Variants in GPD2 observed in about 807,000 individuals in gnomAD.
GPD2 encodes the protein glycerol-3-phosphate dehydrogenase, mitochondrial.
GPD2 carries 54 observed loss-of-function variants against 82.4 expected under a neutral mutation model. The observed-to-expected ratio is 0.66, with a 90% confidence interval of 0.53 to 0.82. The LOEUF is 0.82. Ranked by LOEUF, GPD2 falls within the 40% of genes least tolerant of loss-of-function variation. The probability of loss-of-function intolerance (pLI) is 0.00; values close to 1 mark genes in which losing one functional copy is unlikely to be tolerated. For synonymous variants in GPD2, 288 were observed against 306.1 expected, an observed-to-expected ratio of 0.94 and a Z score of 0.62; for missense variants, 748 against 896.2, an observed-to-expected ratio of 0.83 and a Z score of 2.11.
At chr2:156,556,292 T>C (rs1686959650) in intron 8 of GPD2, among the ~76,000 whole-genome samples, 1 of 152,150 alleles carries the variant, frequency 6.6e-6, no homozygotes, top group Non-Finnish European at 1.5e-5. Flanking sequence ...AAAACATATT[T>C]ATAGAAAATA....
At position 156,568,630 on chromosome 2, in the gene GPD2, T is replaced by C. The variant is rs144897987; in HGVS notation, c.1166-195T>C. On this transcript the variant is annotated intron_variant, in intron 9 of 16. Coordinates refer to ENST00000438166, the MANE Select transcript of GPD2 (RefSeq NM_000408.5). Reference sequence around the variant, plus strand: ...TCTTTACTTTTTCATGGAAATTATCTTTGTAACAGAATAATTCTTTATGAG... The same window carrying C: ...TCTTTACTTTTTCATGGAAATTATCCTTGTAACAGAATAATTCTTTATGAG... Among the ~76,000 whole-genome samples, 166 of 152,306 alleles carry C rather than the reference T, an allele frequency of 1.1e-3. 1 individual carries two copies. The highest frequency in any genetic ancestry group is 3.8e-3 in the African/African-American group (159 of 41,580).
intron 6 of GPD2, among the ~76,000 whole-genome samples, chr2:156,533,048 G>T (rs1314828098): frequency 6.6e-6 from 1 of 152,178 alleles, no homozygotes; most frequent in East Asian, 1.9e-4. Context: ...CTTTCAAATT[G>T]TTCCTCACCC....
intron 6 of GPD2, among the ~76,000 whole-genome samples, chr2:156,524,825 CA>C (rs1685545067): frequency 1.3e-5 from 2 of 152,078 alleles, no homozygotes; most frequent in South Asian, 4.1e-4. Flanking sequence ...ATTGTTTTGT[CA>C]AAAATACTTT....
chr2:156,477,771 T>C (rs575220918), intron 2 of GPD2, among the ~76,000 whole-genome samples: 7 of 152,224 alleles, frequency 4.6e-5, no homozygotes, highest in Non-Finnish European at 1.0e-4. Context: ...CCTCATCCAT[T>C]GATCATGCTT....
At chr2:156,499,380 T>C (rs1470629387) in intron 3 of GPD2, among the ~76,000 whole-genome samples, 3 of 151,806 alleles carry the variant, frequency 2.0e-5, no homozygotes, top group African/African-American at 7.3e-5. Flanking sequence ...AAAGAAAAAA[T>C]GAGACAAGAT....
chr2:156,537,996 A>G (rs1055556059), intron 6 of GPD2, among the ~76,000 whole-genome samples: 1 of 152,258 alleles, frequency 6.6e-6, no homozygotes. Context: ...AAATATGGCA[A>G]TAGCATCTAG....
rs759406397 is a variant in GPD2, at chr2:156,571,237, C to T, written c.1712C>T (p.Pro571Leu). 7 of 1,612,642 alleles carry T rather than the reference C, an allele frequency of 4.3e-6. No individual in the cohort carries two copies. Among genetic ancestry groups the T allele is most frequent in the Non-Finnish European group, 5.1e-6 (6 of 1,178,860 alleles). ...GTCCAGGCAGCAGAGGAAGCCCTAC[C>T]CAGGATTGTTGAACTGATGGGCAGG... ...LNVQAAEEAL[P>L]RIVELMGREL... Residue 571 changes from proline to leucine, a missense_variant, in exon 13 of 17, where the codon CCC (proline) becomes CTC (leucine). Physicochemically the swap from Pro to Leu is moderately conservative, Grantham distance 98. Coordinates refer to ENST00000438166, the MANE Select transcript of GPD2 (RefSeq NM_000408.5).
At chr2:156,497,688 C>T (rs2105244961) in intron 3 of GPD2, among the ~76,000 whole-genome samples, 1 of 152,206 alleles carries the variant, frequency 6.6e-6, no homozygotes, top group Admixed American at 6.5e-5. Flanking sequence ...ACTGATTTCA[C>T]AGGATCCACA....
chr2:156,408,913 C>T, the GPD2 span, among the ~76,000 whole-genome samples: 1 of 152,022 alleles, frequency 6.6e-6, no homozygotes, highest in Non-Finnish European at 1.5e-5. Flanking sequence ...TATTTGGAAA[C>T]AAGGTCTTTG....
At chr2:156,511,499 A>C (rs1188707190) in intron 4 of GPD2, among the ~76,000 whole-genome samples, 2 of 152,248 alleles carry the variant, frequency 1.3e-5, no homozygotes, top group Non-Finnish European at 2.9e-5. Flanking sequence ...TGAAAAACAC[A>C]GTGGCACTGG....
At chr2:156,506,280 C>T (rs1225814097) in intron 3 of GPD2, among the ~76,000 whole-genome samples, 1 of 152,092 alleles carries the variant, frequency 6.6e-6, no homozygotes, top group African/African-American at 2.4e-5. Flanking sequence ...TAAGTTTTTG[C>T]TCTGGAAGGA....
At chr2:156,405,014 A>G in the GPD2 span, among the ~76,000 whole-genome samples, 23 of 152,346 alleles carry the variant, frequency 1.5e-4, no homozygotes, top group East Asian at 4.4e-3. Context: ...CATTTGAAGG[A>G]ATATTCAGGC....
intron 8 of GPD2, among the ~76,000 whole-genome samples, chr2:156,552,403 A>G (rs1686791515): frequency 6.6e-6 from 1 of 152,246 alleles, no homozygotes. Context: ...AGAAGTTTTC[A>G]ACATTAGTTC....
intron 1 of GPD2, among the ~76,000 whole-genome samples, chr2:156,467,096 A>T (rs298257): frequency 6.6e-6 from 1 of 152,030 alleles, no homozygotes. Context: ...TCTTTGTTTC[A>T]TGATTTTTTT....
At chr2:156,540,036 T>C (rs1239945135) in intron 6 of GPD2, among the ~76,000 whole-genome samples, 1 of 152,054 alleles carries the variant, frequency 6.6e-6, no homozygotes, top group Non-Finnish European at 1.5e-5. Flanking sequence ...AAAAATCTGG[T>C]TAACTTAAAC....
At chr2:156,570,492 C>T (rs1291364464) in intron 12 of GPD2, among the ~76,000 whole-genome samples, 1 of 152,064 alleles carries the variant, frequency 6.6e-6, no homozygotes, top group South Asian at 2.1e-4. Flanking sequence ...TCACAGTTGT[C>T]CCTTTTGTGC....
At chr2:156,432,012 G>A (rs1043962896), upstream of GPD2, among the ~76,000 whole-genome samples, 4 of 148,748 alleles carry the variant, frequency 2.7e-5, no homozygotes, top group Admixed American at 6.8e-5. Context: ...TCAGCCTCCC[G>A]AGTAGCTGGG....
At chr2:156,534,683 A>G (rs1249429183) in intron 6 of GPD2, among the ~76,000 whole-genome samples, 1 of 152,198 alleles carries the variant, frequency 6.6e-6, no homozygotes, top group Non-Finnish European at 1.5e-5. Context: ...TAGTATTCTC[A>G]GTTGTTTTTT....
intron 6 of GPD2, among the ~76,000 whole-genome samples, chr2:156,541,789 TC>T (rs1686321323): frequency 6.6e-6 from 1 of 151,466 alleles, no homozygotes; most frequent in Admixed American, 6.6e-5. Flanking sequence ...TGCTCCCTTT[TC>T]CTTTTTCTTC....
Sources: allele counts gnomAD v4.1 joint callset (sites outside exome capture counted in the v4.1 genomes callset), GRCh38; gene constraint gnomAD v4.1.1; transcripts MANE v1.5; gene names NCBI Gene and HGNC (gene_info 2026-07-23, HGNC 2026-07-21).